Variants in GCH1 observed in about 807,000 individuals in gnomAD.
GCH1 encodes GTP cyclohydrolase I.
A neutral mutation model predicts 25.9 loss-of-function variants in GCH1; 5 were observed. The ratio of observed to expected loss-of-function variants is 0.19; its 90% CI spans 0.10 to 0.41. The LOEUF (loss-of-function observed/expected upper bound fraction) is 0.41, where lower values mean the gene tolerates loss of function less well. Among genes scored for constraint, GCH1 ranks in the 10% least tolerant of loss-of-function variants. The pLI is 1.00. For missense variants in GCH1, 261 were observed against 336.5 expected, an observed-to-expected ratio of 0.78 and a Z score of 1.75; for synonymous variants, 159 against 129.6, an observed-to-expected ratio of 1.23 and a Z score of -1.54.
chr14:54,874,180 G>A (rs1320239280), intron 1 of GCH1, among the ~76,000 whole-genome samples: 1 of 152,188 alleles, frequency 6.6e-6, no homozygotes, highest in Non-Finnish European at 1.5e-5. Flanking sequence ...ATGCAAGGCT[G>A]GTTCAACATA....
In GCH1 at chr14:54,873,856, G is replaced by C. The variant is rs187930579; in HGVS notation, c.344-8420C>G. On this transcript the variant is annotated intron_variant, in intron 1 of 5. Coordinates refer to ENST00000491895, the MANE Select transcript of GCH1 (RefSeq NM_000161.3). ...TCTGAAATTGAGGCAATAATTAATAGCCTACCAACCAAAAAAATCCAGGAC... is the reference window on the plus strand; with the variant it reads ...TCTGAAATTGAGGCAATAATTAATACCCTACCAACCAAAAAAATCCAGGAC... Among the ~76,000 whole-genome samples the C allele has an allele frequency of 3.7e-3, 568 of 152,264 alleles. 4 individuals carry two copies. Among genetic ancestry groups the C allele is most frequent in the African/African-American group, 0.013 (540 of 41,542 alleles).
intron 5 of GCH1, among the ~76,000 whole-genome samples, chr14:54,844,458 G>A (rs1434480233): frequency 6.6e-6 from 1 of 152,082 alleles, no homozygotes; most frequent in Non-Finnish European, 1.5e-5. Flanking sequence ...TTTCTTCTGG[G>A]GTGAAAGTAA....
intron 1 of GCH1, chr14:54,886,009 T>C: frequency 3.7e-6 from 1 of 266,802 alleles, no homozygotes; most frequent in Admixed American, 4.0e-5. Flanking sequence ...TGCCAGCTCC[T>C]GGAATGCTAC....
At chr14:54,879,013 G>A (rs1387647036) in intron 1 of GCH1, among the ~76,000 whole-genome samples, 1 of 152,012 alleles carries the variant, frequency 6.6e-6, no homozygotes, top group Non-Finnish European at 1.5e-5. Flanking sequence ...TCCTACCTCA[G>A]CCTCCCAAAG....
intron 1 of GCH1, among the ~76,000 whole-genome samples, chr14:54,880,769 T>TAC (rs1555361320): frequency 1.2e-5 from 1 of 84,898 alleles, no homozygotes; most frequent in Non-Finnish European, 2.0e-5. Flanking sequence ...TATATATATA[T>TAC]ACTCCATATA....
rs141030778 is a variant in GCH1 at position 54,867,406 on chromosome 14, G to A, written c.344-1970C>T. ...TGTTTGAGACCAGCCTGGCCAACATGGTCAAACCCTGTCTCTACTGAAAAT... is the reference window on the plus strand; with the variant it reads ...TGTTTGAGACCAGCCTGGCCAACATAGTCAAACCCTGTCTCTACTGAAAAT... On this transcript the variant is annotated intron_variant, in intron 1 of 5. Transcript: ENST00000491895. Among the ~76,000 whole-genome samples, 190 of 151,922 alleles carry A rather than the reference G, an allele frequency of 1.3e-3. 1 individual carries two copies. The highest frequency in any genetic ancestry group is 3.4e-3 in the Middle Eastern group (1 of 294).
intron 1 of GCH1, among the ~76,000 whole-genome samples, chr14:54,901,314 T>C (rs114183722): frequency 0.015 from 2,281 of 152,202 alleles, 65 homozygotes; most frequent in African/African-American, 0.052. Flanking sequence ...ACACGGAAGG[T>C]GTAGACTGGA....
chr14:54,860,537 CCTTT>C (rs1196233397), intron 2 of GCH1, among the ~76,000 whole-genome samples: 1 of 148,938 alleles, frequency 6.7e-6, no homozygotes, highest in Non-Finnish European at 1.5e-5. Context: ...GCACCATCTT[CCTTT>C]TTTTTTTTTT....
Position 54,843,487 on chromosome 14 carries a change from C to A in GCH1, c.*530G>T. 1 of 1,266,874 alleles carries A rather than the reference C, an allele frequency of 7.9e-7. No homozygotes were observed. The highest frequency in any genetic ancestry group is 9.9e-7 in the Non-Finnish European group (1 of 1,006,092). 78.5% of individuals were successfully genotyped at this position (1,266,874 alleles called of 1,614,324 possible). ...CTTCCCTTGGTGACTAACATTACGACTGCTAAAAATATATTTTTAAATGTC... is the reference window on the plus strand; with the variant it reads ...CTTCCCTTGGTGACTAACATTACGAATGCTAAAAATATATTTTTAAATGTC... On this transcript the variant is annotated 3_prime_UTR_variant, in exon 6 of 6. Coordinates refer to ENST00000491895, the MANE Select transcript of GCH1 (RefSeq NM_000161.3).
intron 2 of GCH1, among the ~76,000 whole-genome samples, chr14:54,860,901 C>T (rs1024512039): frequency 7.2e-5 from 11 of 152,170 alleles, no homozygotes; most frequent in Admixed American, 5.2e-4. Context: ...AACCTGCACC[C>T]TAAGAACTAA....
intron 1 of GCH1, among the ~76,000 whole-genome samples, chr14:54,887,816 G>A (rs1435178710): frequency 6.6e-6 from 1 of 152,196 alleles, no homozygotes; most frequent in Middle Eastern, 3.2e-3. Context: ...TAGGTGGTAA[G>A]TATATAGGTG....
At chr14:54,883,028 TG>T (rs755236909) in intron 1 of GCH1, among the ~76,000 whole-genome samples, 8 of 152,074 alleles carry the variant, frequency 5.3e-5, no homozygotes, top group Non-Finnish European at 1.0e-4. Context: ...GGTGACTGGC[TG>T]GGGTGGGAGC....
intron 3 of GCH1, among the ~76,000 whole-genome samples, chr14:54,854,613 G>A (rs1409613483): frequency 6.6e-6 from 1 of 152,132 alleles, no homozygotes; most frequent in African/African-American, 2.4e-5. Context: ...CAAATGACGA[G>A]CTGGGAAGCA....
intron 1 of GCH1, among the ~76,000 whole-genome samples, chr14:54,897,986 G>A (rs542693762): frequency 6.6e-6 from 1 of 152,288 alleles, no homozygotes; most frequent in East Asian, 1.9e-4. Context: ...ACACACCTAG[G>A]CTACACGGTA....
At chr14:54,865,541 T>C in intron 1 of GCH1, 105 bp from the exon 2 acceptor site, 1 of 697,090 alleles carries the variant, frequency 1.4e-6, no homozygotes, top group Non-Finnish European at 2.6e-6. Flanking sequence ...TAATCCTCCC[T>C]AAAATATTAA....
chr14:54,865,147 T>G (rs2039973353), intron 2 of GCH1, among the ~76,000 whole-genome samples, 180 bp downstream of exon 2: 1 of 152,170 alleles, frequency 6.6e-6, no homozygotes, highest in Non-Finnish European at 1.5e-5. Flanking sequence ...TTCTGCTACT[T>G]TGGTTTTGTT....
chr14:54,862,555 C>T (rs1398699538), intron 2 of GCH1, among the ~76,000 whole-genome samples: 5 of 139,796 alleles, frequency 3.6e-5, no homozygotes, highest in African/African-American at 1.4e-4. Context: ...CTAATTTTTG[C>T]CTGTTTTTTT....
intron 1 of GCH1, among the ~76,000 whole-genome samples, chr14:54,898,676 T>C (rs145562195): frequency 6.6e-5 from 10 of 152,184 alleles, no homozygotes; most frequent in Non-Finnish European, 1.5e-4. Flanking sequence ...CTGCAGTGCA[T>C]TGGTGCAATC....
At chr14:54,862,022 AT>A (rs929410764) in intron 2 of GCH1, among the ~76,000 whole-genome samples, 6 of 151,898 alleles carry the variant, frequency 4.0e-5, no homozygotes, top group Non-Finnish European at 8.8e-5. Flanking sequence ...GGGTTTTCTG[AT>A]TGCTTTCTCT....
Sources: allele counts gnomAD v4.1 joint callset (sites outside exome capture counted in the v4.1 genomes callset), GRCh38; gene constraint gnomAD v4.1.1; transcripts MANE v1.5; gene names NCBI Gene and HGNC (gene_info 2026-07-23, HGNC 2026-07-21).